The following COL8A1 variants were observed in gnomAD, a reference collection of about 807,000 sequenced individuals.
COL8A1 encodes collagen alpha-1(VIII) chain.
COL8A1 carries 21 observed loss-of-function variants against 42.7 expected under a neutral mutation model. The ratio of observed to expected loss-of-function variants is 0.49; its 90% CI spans 0.35 to 0.71. The LOEUF is 0.71. COL8A1 is among the 30% of genes least tolerant of loss of function. The pLI is 0.01. For synonymous variants in COL8A1, 367 were observed against 369.1 expected, an observed-to-expected ratio of 0.99 and a Z score of 0.06; for missense variants, 788 against 962.4, an observed-to-expected ratio of 0.82 and a Z score of 2.40.
Position 99,773,208 on chromosome 3 carries a change from A to G in COL8A1, c.-3-17472A>G, listed in dbSNP as rs116537495. Among the ~76,000 whole-genome samples the G allele has an allele frequency of 5.5e-3, 845 of 152,334 alleles. 5 individuals carry two copies. Among genetic ancestry groups the G allele is most frequent in the Admixed American group, 9.1e-3 (140 of 15,302 alleles). On this transcript the variant is annotated intron_variant, in intron 2 of 3. Coordinates refer to ENST00000652472, the MANE Select transcript of COL8A1 (RefSeq NM_020351.4). ...ATAGCCATTATTAGTAGAGCGTAATAGTGTTTGAAAACAGTCTAAGCCCTC... is the reference window on the plus strand; with the variant it reads ...ATAGCCATTATTAGTAGAGCGTAATGGTGTTTGAAAACAGTCTAAGCCCTC...
Position 99,794,510 on chromosome 3 carries a change from A to G in COL8A1, c.609A>G (p.Gly203=). 6.2e-7 allele frequency: 1 copy of G among 1,614,012 alleles called. No homozygotes were observed. Among genetic ancestry groups the G allele is most frequent in the Non-Finnish European group, 8.5e-7 (1 of 1,179,962 alleles). The change falls in exon 4 of 4, where the codon GGA becomes GGG. Residue 203 remains glycine, a synonymous_variant. Transcript: ENST00000652472. This position sits in a 1 kb window ranked among gnomAD's most constrained non-coding sequence, Gnocchi z 4.3. ...PGPQGPPGPH[G]LPGIGKPGGP... ...CACAAGGACCTCCAGGGCCTCATGG[A>G]CTTCCTGGCATTGGGAAGCCAGGTG...
chr3:99,787,739 T>A (rs930961950), intron 2 of COL8A1, among the ~76,000 whole-genome samples: 2 of 152,176 alleles, frequency 1.3e-5, no homozygotes, highest in Non-Finnish European at 2.9e-5. Context: ...AATAAAAGTC[T>A]TTTGACTTCT....
intron 2 of COL8A1, among the ~76,000 whole-genome samples, chr3:99,758,716 G>A (rs1475323820): frequency 6.6e-6 from 1 of 152,122 alleles, no homozygotes; most frequent in Non-Finnish European, 1.5e-5. Flanking sequence ...GATACAAGTC[G>A]TCTGTAAACC....
At chr3:99,756,424 C>T (rs792833) in intron 2 of COL8A1, among the ~76,000 whole-genome samples, 77,774 of 151,860 alleles carry the variant, frequency 0.51, 20,140 homozygotes, top group East Asian at 0.67. Context: ...TGTAATATTT[C>T]TAAGTGTTCC....
chr3:99,689,193 G>C (rs375814637), intron 1 of COL8A1, among the ~76,000 whole-genome samples: 1 of 152,152 alleles, frequency 6.6e-6, no homozygotes, highest in East Asian at 1.9e-4. Context: ...AATTTTATTT[G>C]TCCAAGGAAG....
At chr3:99,659,247 G>C (rs1445833102) in intron 1 of COL8A1, among the ~76,000 whole-genome samples, 1 of 152,168 alleles carries the variant, frequency 6.6e-6, no homozygotes, top group Non-Finnish European at 1.5e-5. Flanking sequence ...TTGGACCTTA[G>C]AAGTTTCAAC....
At chr3:99,746,082 C>A (rs34795953) in intron 2 of COL8A1, among the ~76,000 whole-genome samples, 11,792 of 152,060 alleles carry the variant, frequency 0.078, 568 homozygotes, top group Middle Eastern at 0.11. Context: ...GGGTGGACAC[C>A]TGAACGAAAG....
chr3:99,663,793 A>T (rs898841930), intron 1 of COL8A1, among the ~76,000 whole-genome samples: 1 of 148,344 alleles, frequency 6.7e-6, no homozygotes, highest in Non-Finnish European at 1.5e-5. Context: ...GAATATTTTT[A>T]ATCTTAAATT....
At chr3:99,677,718 G>A (rs1251019117) in intron 1 of COL8A1, 1 of 152,004 alleles carries the variant, frequency 6.6e-6, no homozygotes, top group Non-Finnish European at 1.5e-5. Flanking sequence ...TAGACTTCAG[G>A]GCCAACTTGA....
intron 1 of COL8A1, chr3:99,685,339 T>A (rs981505349): frequency 6.6e-6 from 1 of 152,238 alleles, no homozygotes; most frequent in Admixed American, 6.5e-5. Context: ...TAATTTTCTA[T>A]GTAGAATCAT....
At chr3:99,672,195 T>C (rs1428236938) in intron 1 of COL8A1, among the ~76,000 whole-genome samples, 1 of 152,018 alleles carries the variant, frequency 6.6e-6, no homozygotes, top group East Asian at 1.9e-4. Context: ...TTAACGTCCT[T>C]GTTTTCAGAA....
intron 1 of COL8A1, among the ~76,000 whole-genome samples, chr3:99,717,510 TC>T (rs1390040279): frequency 6.6e-6 from 1 of 151,994 alleles, no homozygotes; most frequent in African/African-American, 2.4e-5. Context: ...TTATATAGGT[TC>T]AAAAATGCAA....
intron 2 of COL8A1, among the ~76,000 whole-genome samples, chr3:99,751,060 T>C (rs894966460): frequency 1.3e-5 from 2 of 152,182 alleles, no homozygotes; most frequent in Admixed American, 1.3e-4. Flanking sequence ...GAGATGCCAT[T>C]TAAAAATTTA....
At chr3:99,692,825 G>C (rs1224355119) in intron 1 of COL8A1, among the ~76,000 whole-genome samples, 1 of 152,206 alleles carries the variant, frequency 6.6e-6, no homozygotes, top group Admixed American at 6.5e-5. Flanking sequence ...TTTGTGGCAA[G>C]GCTGGTATAA....
In COL8A1 at chr3:99,797,874, G is replaced by T. The variant is rs1447784714; in HGVS notation, c.*1738G>T. On this transcript the variant is annotated 3_prime_UTR_variant, in exon 4 of 4. Transcript: ENST00000652472. ...GAAATAAATATTTTTCCAGGTTTTTGCTTGGGCACATACTAACTGCTTTGG... is the reference window on the plus strand; with the variant it reads ...GAAATAAATATTTTTCCAGGTTTTTTCTTGGGCACATACTAACTGCTTTGG... 6.6e-6 allele frequency: 1 copy of T among 152,118 alleles called. No homozygotes were observed. The highest frequency in any genetic ancestry group is 1.5e-5 in the Non-Finnish European group (1 of 68,014). 9.4% of individuals were successfully genotyped at this position (152,118 alleles called of 1,614,324 possible).
intron 1 of COL8A1, among the ~76,000 whole-genome samples, chr3:99,648,941 A>C (rs374540969): frequency 2.6e-5 from 4 of 152,154 alleles, no homozygotes; most frequent in African/African-American, 9.7e-5. Context: ...ATAGAAATAA[A>C]TATACCTCAA....
chr3:99,762,709 C>T (rs1576467149), intron 2 of COL8A1, among the ~76,000 whole-genome samples: 1 of 152,168 alleles, frequency 6.6e-6, no homozygotes, highest in Non-Finnish European at 1.5e-5. Flanking sequence ...AGAGGCAGGA[C>T]CCTGAACAAA....
intron 2 of COL8A1, among the ~76,000 whole-genome samples, chr3:99,764,130 G>A (rs1020693210): frequency 2.0e-5 from 3 of 152,226 alleles, no homozygotes; most frequent in Non-Finnish European, 4.4e-5. Context: ...ACCATATCAC[G>A]CCCAAATTCT....
At chr3:99,674,256 C>T (rs1003809872) in intron 1 of COL8A1, among the ~76,000 whole-genome samples, 1 of 151,838 alleles carries the variant, frequency 6.6e-6, no homozygotes, top group African/African-American at 2.4e-5. Flanking sequence ...AGCTTTGTGG[C>T]CAGAGTGTGC....
Sources: allele counts gnomAD v4.1 joint callset (sites outside exome capture counted in the v4.1 genomes callset), GRCh38; gene constraint gnomAD v4.1.1; non-coding constraint Gnocchi (gnomAD v3.1); transcripts MANE v1.5; gene names NCBI Gene and HGNC (gene_info 2026-07-23, HGNC 2026-07-21).